Variants in THADA observed in about 807,000 individuals in gnomAD.
THADA encodes the protein THADA armadillo repeat containing.
In THADA, 213 loss-of-function variants were observed where a neutral mutation model predicts 219.8. The ratio of observed to expected loss-of-function variants is 0.97; its 90% CI spans 0.87 to 1.09. The LOEUF (loss-of-function observed/expected upper bound fraction) is 1.09, where lower values mean the gene tolerates loss of function less well. Among genes scored for constraint, THADA ranks in the 50% least tolerant of loss-of-function variants. THADA has a pLI of 0.00. For missense variants in THADA, 2,956 were observed against 2,311.3 expected (o/e 1.28, Z -5.72); for synonymous variants, 1,018 against 828.9 (o/e 1.23, Z -3.92).
chr2:43,419,692 A>C (rs1677450375), intron 28 of THADA, among the ~76,000 whole-genome samples: 5 of 152,226 alleles, frequency 3.3e-5, no homozygotes. Flanking sequence ...CCTTCAATTC[A>C]GCATTAAAAA....
chr2:43,546,569 AC>A (rs1438245866), intron 20 of THADA, among the ~76,000 whole-genome samples: 3 of 152,074 alleles, frequency 2.0e-5, no homozygotes, highest in African/African-American at 7.3e-5. Flanking sequence ...TTGGGTGCAT[AC>A]ATATTTAGGA....
chr2:43,321,496 C>G (rs1039724545), intron 30 of THADA, among the ~76,000 whole-genome samples: 3 of 152,172 alleles, frequency 2.0e-5, no homozygotes, highest in African/African-American at 7.2e-5. Context: ...CATGAGGGTA[C>G]TGTCCTCATG....
chr2:43,470,359 C>T (rs1032773596), intron 26 of THADA, among the ~76,000 whole-genome samples: 8 of 151,898 alleles, frequency 5.3e-5, no homozygotes, highest in African/African-American at 7.3e-5. Context: ...ACATTTTATA[C>T]GTAAAGATGC....
Position 43,420,187 on chromosome 2 carries a change from G to A in THADA, c.4058+7913C>T, listed in dbSNP as rs917789190. Among the ~76,000 whole-genome samples the A allele has an allele frequency of 4.6e-5, 7 of 152,132 alleles. No homozygotes were observed. In the South Asian group the frequency reaches 6.2e-4, roughly 14 times the overall value. ...GCCTTGCTATTTGGGAAAGCCTCCC[G>A]GACTTCTCCAACCCACTGATGCTCT... On this transcript the variant is annotated intron_variant, in intron 28 of 37. Coordinates refer to ENST00000405975, the MANE Select transcript of THADA (RefSeq NM_022065.5).
In THADA at chr2:43,574,826, G is replaced by C. The variant is rs1433412990; in HGVS notation, c.1239C>G (p.Ile413Met). The C allele has an allele frequency of 9.9e-6, 16 of 1,613,872 alleles. No individual in the cohort carries two copies. The highest frequency in any genetic ancestry group is 4.0e-5 in the African/African-American group (3 of 74,920). ...GCATTTGGAGAAGGTTTTTGAACAT[G>C]ATTTTGGTTTGGTGTCTCAGAGCAT... ...PLDALRHQTK[I>M]MFKNLLQMHR... is the part of the protein sequence containing the mutation. The change falls in exon 11 of 38, where the codon ATC (isoleucine) becomes ATG (methionine). Residue 413 changes from isoleucine (I) to methionine (M), a missense_variant. Ile to Met is a conservative substitution (Grantham distance 10). Transcript: ENST00000405975.
intron 25 of THADA, among the ~76,000 whole-genome samples, chr2:43,495,113 C>A (rs944792190): frequency 1.3e-5 from 2 of 152,134 alleles, no homozygotes; most frequent in African/African-American, 4.8e-5. Flanking sequence ...AAAAATCACA[C>A]TTAAAATCAC....
At chr2:43,522,529 T>A (rs190238428) in intron 22 of THADA, among the ~76,000 whole-genome samples, 1 of 152,210 alleles carries the variant, frequency 6.6e-6, no homozygotes, top group Admixed American at 6.5e-5. Flanking sequence ...TTCCCTAAGA[T>A]CAAGGAGAAA....
At chr2:43,464,097 G>T (rs1683951501) in intron 26 of THADA, among the ~76,000 whole-genome samples, 1 of 152,110 alleles carries the variant, frequency 6.6e-6, no homozygotes, top group African/African-American at 2.4e-5. Flanking sequence ...TTCTGTAGAA[G>T]AAATAAATCC....
chr2:43,545,405 GA>G (rs1695891267), intron 20 of THADA, among the ~76,000 whole-genome samples: 1 of 151,826 alleles, frequency 6.6e-6, no homozygotes, highest in South Asian at 2.1e-4. Flanking sequence ...AGTTAGGGAG[GA>G]TTCCCTCTTT....
At chr2:43,349,153 G>A (rs926680565) in intron 29 of THADA, among the ~76,000 whole-genome samples, 2 of 152,194 alleles carry the variant, frequency 1.3e-5, no homozygotes, top group African/African-American at 4.8e-5. Context: ...GGAGGGGGTG[G>A]TCATGGAAGC....
intron 29 of THADA, among the ~76,000 whole-genome samples, chr2:43,368,120 CA>C (rs752268195): frequency 5.1e-4 from 78 of 152,056 alleles, no homozygotes; most frequent in Non-Finnish European, 1.0e-3. Context: ...CTCTATCTCA[CA>C]AAAACAAACA....
chr2:43,383,608 T>C (rs1302179864), intron 29 of THADA, among the ~76,000 whole-genome samples: 1 of 152,220 alleles, frequency 6.6e-6, no homozygotes, highest in African/African-American at 2.4e-5. Flanking sequence ...ATAATGAACA[T>C]AGGAGTTTAA....
chr2:43,528,592 T>C (rs1354506313), intron 21 of THADA, among the ~76,000 whole-genome samples: 5 of 152,168 alleles, frequency 3.3e-5, no homozygotes, highest in Non-Finnish European at 7.3e-5. Flanking sequence ...AACCAGAACA[T>C]GAAGCCAAGC....
At chr2:43,328,712 C>T (rs1282884787) in intron 30 of THADA, among the ~76,000 whole-genome samples, 1 of 152,208 alleles carries the variant, frequency 6.6e-6, no homozygotes, top group Non-Finnish European at 1.5e-5. Flanking sequence ...CTTACCCACT[C>T]CTACCAGGGT....
Position 43,485,294 on chromosome 2 carries a change from G to A in THADA, c.3776C>T (p.Ala1259Val). The A allele has an allele frequency of 3.1e-6, 5 of 1,612,836 alleles. No individual in the cohort carries two copies. Among genetic ancestry groups the A allele is most frequent in the Non-Finnish European group, 4.2e-6 (5 of 1,179,284 alleles). ...AACTCCAAAAATTCTTGTGATCAAG[G>A]CACTAAAGAGAAGTGTGGATGAATT... The part of the protein sequence containing the change: ...VRNSSTLLFS[A>V]LITRIFGVKR... The change falls in exon 26 of 38, where the codon GCC (alanine) becomes GTC (valine). Residue 1259 changes from alanine (A) to valine (V), a missense_variant. Physicochemically the swap from Ala to Val is moderately conservative, Grantham distance 64 (BLOSUM62 0). Coordinates refer to ENST00000405975, the MANE Select transcript of THADA (RefSeq NM_022065.5).
At chr2:43,438,218 C>T (rs1314446961) in intron 26 of THADA, among the ~76,000 whole-genome samples, 2 of 142,612 alleles carry the variant, frequency 1.4e-5, no homozygotes, top group Non-Finnish European at 3.0e-5. Flanking sequence ...AGGAGAATGG[C>T]GTGAACCCAG....
At position 43,498,621 on chromosome 2, in the gene THADA, A is replaced by G. The variant is rs532543931; in HGVS notation, c.3744+212T>C. Among the ~76,000 whole-genome samples, 6 of 152,316 alleles carry G rather than the reference A, an allele frequency of 3.9e-5. No individual in the cohort carries two copies. In the East Asian group the frequency reaches 1.2e-3, roughly 29 times the overall value. ...CCCTAAAGCAATCAATAAAATTAAA[A>G]AAAAAAGAAAGATGGCTAACAAGCC... On this transcript the variant is annotated intron_variant, in intron 25 of 37. Transcript: ENST00000405975.
intron 35 of THADA, among the ~76,000 whole-genome samples, chr2:43,283,305 A>G (rs551847680): frequency 5.9e-4 from 90 of 152,324 alleles, no homozygotes; most frequent in African/African-American, 2.1e-3. Flanking sequence ...GAATGGACCA[A>G]TACAGAAAAT....
rs187305048 is a variant in THADA at position 43,232,881 on chromosome 2, C to G, written c.5298G>C (p.Glu1766Asp). ...AGGCATCCACCTGGCAGAAGGCAAA[C>G]TCTGCAAAGACAGGAGAAAGGTGAG... Reference protein sequence around the residue: ...MSQENTCQSTEFAFCQVDASI... With the variant: ...MSQENTCQSTDFAFCQVDASI... The change falls in exon 37 of 38, where the codon GAG becomes GAC. Residue 1766 changes from glutamate (E) to aspartate (D), a missense_variant and splice_region_variant. Transcript: ENST00000405975. 1.2e-6 allele frequency: 2 copies of G among 1,607,826 alleles called. No individual in the cohort carries two copies. The highest frequency in any genetic ancestry group is 4.5e-5 in the East Asian group (2 of 44,762).
Sources: allele counts gnomAD v4.1 joint callset (sites outside exome capture counted in the v4.1 genomes callset), GRCh38; gene constraint gnomAD v4.1.1; transcripts MANE v1.5; gene names NCBI Gene and HGNC (gene_info 2026-07-23, HGNC 2026-07-21).